The following ELP2 variants were observed in gnomAD, a reference collection of about 807,000 sequenced individuals.
ELP2 encodes elongator complex protein 2.
A neutral mutation model predicts 119.2 loss-of-function variants in ELP2; 90 were observed. The ratio of observed to expected loss-of-function variants is 0.75; its 90% confidence interval spans 0.64 to 0.90. The LOEUF is 0.90. ELP2 is among the 40% of genes least tolerant of loss of function. ELP2 has a pLI of 0.00. For missense variants in ELP2, 921 were observed against 967.8 expected, an observed-to-expected ratio of 0.95 and a Z score of 0.64; for synonymous variants, 339 against 331.0, an observed-to-expected ratio of 1.02 and a Z score of -0.26.
chr18:36,138,094 C>T, intron 3 of ELP2, 176 bp from the exon 4 acceptor site: 1 of 606,278 alleles, frequency 1.6e-6, no homozygotes, highest in Non-Finnish European at 2.9e-6. Context: ...TGCTGTGTCA[C>T]AGGGCATGCA....
At chr18:36,161,055 C>G (rs1367105721) in intron 17 of ELP2, 51 bp downstream of exon 17, 1 of 1,330,644 alleles carries the variant, frequency 7.5e-7, no homozygotes, top group East Asian at 2.3e-5. Context: ...TTTGGGTCAT[C>G]AGGCTCCTGC....
chr18:36,133,751 A>T (rs1430740769), intron 2 of ELP2, among the ~76,000 whole-genome samples: 1 of 148,900 alleles, frequency 6.7e-6, no homozygotes, highest in Non-Finnish European at 1.5e-5. Context: ...TTTTTTGCCA[A>T]CTAGTTGGAG....
intron 11 of ELP2, among the ~76,000 whole-genome samples, chr18:36,153,521 G>A (rs1026338325): frequency 1.3e-5 from 2 of 152,140 alleles, no homozygotes; most frequent in African/African-American, 4.8e-5. Flanking sequence ...CCAGCTGGGT[G>A]TTCTCTAATT....
intron 1 of ELP2, 145 bp from the exon 2 acceptor site, chr18:36,133,093 G>C (rs1277354071): frequency 1.5e-6 from 1 of 667,444 alleles, no homozygotes; most frequent in Non-Finnish European, 2.7e-6. Flanking sequence ...ATGGTTAAAA[G>C]TTTATAGATT....
At chr18:36,146,095 C>G (rs772016433) in intron 10 of ELP2, 47 bp downstream of exon 10, 15 of 1,594,280 alleles carry the variant, frequency 9.4e-6, no homozygotes, top group Non-Finnish European at 1.3e-5. Flanking sequence ...GTTTTGAACT[C>G]TGTATTTAAA....
chr18:36,145,799 A>G, intron 9 of ELP2, 149 bp from the exon 10 acceptor site: 1 of 736,012 alleles, frequency 1.4e-6, no homozygotes, highest in Non-Finnish European at 2.5e-6. Context: ...TTCTAATGGT[A>G]GACATTTGTG....
intron 8 of ELP2, among the ~76,000 whole-genome samples, chr18:36,143,292 T>C (rs539147061): frequency 6.6e-5 from 10 of 152,142 alleles, no homozygotes; most frequent in Non-Finnish European, 1.2e-4. Context: ...GCTAACTTTT[T>C]TGTATTTTTA....
chr18:36,139,806 A>G (rs1484663553), intron 5 of ELP2: 2 of 389,878 alleles, frequency 5.1e-6, no homozygotes, highest in Non-Finnish European at 9.0e-6. Flanking sequence ...AAATAATTTT[A>G]CAGTCACATC....
chr18:36,132,113 TTGGCCAGGC>T (rs1567969592), intron 1 of ELP2, among the ~76,000 whole-genome samples: 1 of 152,050 alleles, frequency 6.6e-6, no homozygotes, highest in African/African-American at 2.4e-5. Flanking sequence ...TTTTACCACA[TTGGCCAGGC>T]TGGTCTCCAA....
At chr18:36,139,995 C>A (rs1384679540) in intron 5 of ELP2, among the ~76,000 whole-genome samples, 1 of 151,896 alleles carries the variant, frequency 6.6e-6, no homozygotes. Context: ...CAAGCATGCT[C>A]CACCACGCCC....
intron 8 of ELP2, among the ~76,000 whole-genome samples, chr18:36,143,346 T>C (rs1182345384): frequency 6.6e-6 from 1 of 151,666 alleles, no homozygotes; most frequent in Admixed American, 6.6e-5. Flanking sequence ...GGTCTCGAAC[T>C]CCTGACCTCA....
Position 36,158,896 on chromosome 18 carries a change from T to C in ELP2, c.1526T>C (p.Val509Ala). 1 of 1,609,872 alleles carries C rather than the reference T, an allele frequency of 6.2e-7. No individual in the cohort carries two copies. The highest frequency in any genetic ancestry group is 8.5e-7 in the Non-Finnish European group (1 of 1,176,170). ...VPALGLSNKAVFQGDIASQPS... is the reference protein window; with the variant it reads ...VPALGLSNKAAFQGDIASQPS... ...GCATTGGGATTATCAAATAAAGCTG[T>C]CTTTCAGGGTAAGGCTTTTGTCTTC... Residue 509 changes from valine (V) to alanine (A), a missense_variant, in exon 14 of 22, where the codon GTC (valine) becomes GCC (alanine). Physicochemically the swap from Val to Ala is moderately conservative, Grantham distance 64 (BLOSUM62 0). Transcript: ENST00000358232.
chr18:36,140,504 G>T (rs768144729), intron 5 of ELP2, among the ~76,000 whole-genome samples: 6 of 151,880 alleles, frequency 4.0e-5, no homozygotes, highest in Admixed American at 3.9e-4. Flanking sequence ...ATGCCACCAC[G>T]CCCAGATAAT....
rs2276141 is a variant in ELP2 at position 36,170,990 on chromosome 18, C to T, written c.2211-57C>T. 2.0e-3 allele frequency: 2,520 copies of T among 1,242,418 alleles called. 70 individuals carry two copies. In the East Asian group the frequency reaches 0.054, roughly 27 times the overall value. The allele number at this position is 1,242,418 out of a possible 1,614,324, so 77.0% of individuals were successfully genotyped here. A position where few individuals can be genotyped will look rare whatever the true frequency, so the allele number is the denominator to read the frequency against. On this transcript the variant is annotated intron_variant, in intron 20 of 21. Coordinates refer to ENST00000358232, the MANE Select transcript of ELP2 (RefSeq NM_018255.4). ...GTGAAGAACTACTTTAGAGCAATGA[C>T]GAAGATAACAATTTCATGCTAAGTT...
chr18:36,160,804 T>TA, intron 16 of ELP2, 128 bp from the exon 17 acceptor site: 2 of 680,332 alleles, frequency 2.9e-6, no homozygotes, highest in Non-Finnish European at 5.2e-6. Context: ...TAGACAAACA[T>TA]ACAATGTTCC....
intron 6 of ELP2, 24 bp downstream of exon 6, chr18:36,141,225 C>T (rs1434594579): frequency 7.7e-6 from 12 of 1,559,756 alleles, no homozygotes; most frequent in Non-Finnish European, 1.1e-5. Context: ...TATTAAGAGG[C>T]TGGAATTATA....
rs752279760 is a variant in ELP2 at position 36,141,161 on chromosome 18, A to T, written c.548A>T (p.Asp183Val). 2 of 1,613,780 alleles carry T rather than the reference A, an allele frequency of 1.2e-6. No individual in the cohort carries two copies. The highest frequency in any genetic ancestry group is 2.7e-5 in the African/African-American group (2 of 74,938). The change falls in exon 6 of 22, where the codon GAT becomes GTT. Residue 183 changes from aspartate to valine, a missense_variant. Physicochemically the swap from Asp to Val is radical, Grantham distance 152 (BLOSUM62 -3). Transcript: ENST00000358232. ...GTACCAATATTAGCATGTGGCAATG[A>T]TGATTGCAGAATTCACATATTTGCT... ...TDVPILACGN[D>V]DCRIHIFAQQ...
At chr18:36,131,257 C>T (rs779991318) in intron 1 of ELP2, among the ~76,000 whole-genome samples, 4 of 152,248 alleles carry the variant, frequency 2.6e-5, no homozygotes, top group Non-Finnish European at 5.9e-5. Context: ...CTTGAGCTTG[C>T]TTGCCTCTTC....
At chr18:36,136,250 T>C in intron 2 of ELP2, 57 bp from the exon 3 acceptor site, 1 of 1,381,670 alleles carries the variant, frequency 7.2e-7, no homozygotes, top group Non-Finnish European at 1.0e-6. Context: ...CTTGGAAATT[T>C]TTAAAAATTG....
Sources: gnomAD v4.1 joint callset for allele counts (sites outside exome capture counted in the v4.1 genomes callset) on GRCh38, gnomAD v4.1.1 for gene constraint, MANE v1.5 for transcripts, NCBI Gene and HGNC (gene_info 2026-07-23, HGNC 2026-07-21) for gene names.